PCDH15: variants seen among roughly 807,000 people sequenced by gnomAD.
PCDH15 encodes protocadherin-15.
Under a neutral mutation model 178.5 loss-of-function variants are expected in PCDH15, and 129 were observed. The ratio of observed to expected loss-of-function variants is 0.72; its 90% CI spans 0.63 to 0.84. The LOEUF is 0.84. Among genes scored for constraint, PCDH15 ranks in the 40% least tolerant of loss-of-function variants. The pLI is 0.00. For synonymous variants in PCDH15, 800 were observed against 732.0 expected, an observed-to-expected ratio of 1.09 and a Z score of -1.50; for missense variants, 2,230 against 2,099.9, an observed-to-expected ratio of 1.06 and a Z score of -1.21.
chr10:54,655,278 GAGAGAGAGAGAGAGAGAGAGAGAGAC>G (rs1463735742), intron 2 of PCDH15, among the ~76,000 whole-genome samples: 7 of 140,702 alleles, frequency 5.0e-5, no homozygotes, highest in Non-Finnish European at 7.7e-5. Context: ...GAGAGAGAGA[GAGAGAGAGAGAGAGAGAGAGAGAGAC>G]AGAGAGAGAG....
chr10:55,257,425 G>A (rs530705829), intron 1 of PCDH15, among the ~76,000 whole-genome samples: 5 of 152,006 alleles, frequency 3.3e-5, no homozygotes, highest in East Asian at 1.9e-4. Flanking sequence ...AAACTACTCT[G>A]AGCTAAAGGA....
At chr10:55,191,861 T>C (rs1839951958) in intron 1 of PCDH15, among the ~76,000 whole-genome samples, 2 of 151,884 alleles carry the variant, frequency 1.3e-5, no homozygotes, top group African/African-American at 4.8e-5. Flanking sequence ...GGCACTTTTT[T>C]TCTTTCTTGT....
At chr10:54,263,909 C>A (rs1216602939) in intron 8 of PCDH15, among the ~76,000 whole-genome samples, 24 of 152,106 alleles carry the variant, frequency 1.6e-4, no homozygotes, top group Admixed American at 1.6e-3. Context: ...CAGCTGCCAG[C>A]ACAGCTAGGA....
chr10:55,489,443 A>C (rs1184435153), intron 2 of PCDH15, among the ~76,000 whole-genome samples: 2 of 151,696 alleles, frequency 1.3e-5, no homozygotes, highest in African/African-American at 4.8e-5. Context: ...TTTTCAGAGA[A>C]TATCTTCACT....
chr10:54,477,126 C>T (rs2078331247), intron 3 of PCDH15, among the ~76,000 whole-genome samples: 1 of 152,122 alleles, frequency 6.6e-6, no homozygotes, highest in Non-Finnish European at 1.5e-5. Context: ...AGGTGAGGCT[C>T]TTCATGGTTC....
At chr10:54,291,745 CAT>C (rs1402513337) in intron 8 of PCDH15, among the ~76,000 whole-genome samples, 1 of 152,154 alleles carries the variant, frequency 6.6e-6, no homozygotes, top group Non-Finnish European at 1.5e-5. Context: ...TTCCTGGACA[CAT>C]ATGCCCTCCC....
chr10:54,195,178 C>CA (rs2049479408), intron 11 of PCDH15, among the ~76,000 whole-genome samples: 1 of 152,114 alleles, frequency 6.6e-6, no homozygotes, highest in Non-Finnish European at 1.5e-5. Flanking sequence ...ACAAGAAAAA[C>CA]AAAAGACAAT....
At chr10:55,253,366 A>G (rs1032642553) in intron 1 of PCDH15, among the ~76,000 whole-genome samples, 1 of 152,044 alleles carries the variant, frequency 6.6e-6, no homozygotes, top group Non-Finnish European at 1.5e-5. Flanking sequence ...CAACTCCTAA[A>G]CCATCCTGTC....
chr10:55,220,275 T>C (rs1190011970), intron 1 of PCDH15, among the ~76,000 whole-genome samples: 1 of 152,008 alleles, frequency 6.6e-6, no homozygotes, highest in Non-Finnish European at 1.5e-5. Flanking sequence ...GTTTCCATAT[T>C]TTCTTCTTAT....
chr10:54,471,857 AAT>A (rs2077940915), intron 3 of PCDH15, among the ~76,000 whole-genome samples: 1 of 152,138 alleles, frequency 6.6e-6, no homozygotes, highest in Non-Finnish European at 1.5e-5. Flanking sequence ...ATACTTTTAA[AAT>A]TAGAGCTGTA....
chr10:55,064,408 G>A (rs1841510959), intron 2 of PCDH15, among the ~76,000 whole-genome samples: 1 of 152,072 alleles, frequency 6.6e-6, no homozygotes, highest in Non-Finnish European at 1.5e-5. Flanking sequence ...TAGTGACAAT[G>A]TAACATCATG....
intron 8 of PCDH15, among the ~76,000 whole-genome samples, chr10:54,287,222 C>A (rs1396055219): frequency 6.6e-6 from 1 of 152,074 alleles, no homozygotes; most frequent in Non-Finnish European, 1.5e-5. Context: ...GTGTATTAAG[C>A]AGAAAAATAG....
At chr10:55,440,838 G>A (rs7906092) in intron 2 of PCDH15, among the ~76,000 whole-genome samples, 116,300 of 151,970 alleles carry the variant, frequency 0.77, 45,853 homozygotes, top group East Asian at 0.99. Flanking sequence ...CAGCCATGGC[G>A]GAAGACAAAA....
At chr10:55,079,261 G>T (rs1357089442) in intron 2 of PCDH15, among the ~76,000 whole-genome samples, 2 of 152,036 alleles carry the variant, frequency 1.3e-5, no homozygotes, top group Admixed American at 6.6e-5. Flanking sequence ...TTTCTTTGGG[G>T]GATGTTTTTG....
At chr10:55,560,725 CA>C (rs533297099) in intron 2 of PCDH15, among the ~76,000 whole-genome samples, 13 of 151,862 alleles carry the variant, frequency 8.6e-5, no homozygotes, top group Non-Finnish European at 1.5e-4. Flanking sequence ...TTATTACTCA[CA>C]TTTCCACTTT....
At chr10:54,946,166 A>G (rs1428587609) in intron 2 of PCDH15, among the ~76,000 whole-genome samples, 1 of 151,874 alleles carries the variant, frequency 6.6e-6, no homozygotes, top group Non-Finnish European at 1.5e-5. Flanking sequence ...TTCATAGATA[A>G]TGAAAGATGA....
intron 15 of PCDH15, among the ~76,000 whole-genome samples, chr10:54,129,889 A>G (rs1333308798): frequency 2.6e-5 from 4 of 152,144 alleles, no homozygotes; most frequent in Non-Finnish European, 5.9e-5. Flanking sequence ...CTGTGTTACT[A>G]TTTTATGGGA....
chr10:54,985,085 C>A (rs1045603984), intron 2 of PCDH15, among the ~76,000 whole-genome samples: 1 of 152,092 alleles, frequency 6.6e-6, no homozygotes, highest in Non-Finnish European at 1.5e-5. Flanking sequence ...TTAGGCTAAA[C>A]CACGTGTAAA....
intron 2 of PCDH15, among the ~76,000 whole-genome samples, chr10:55,100,042 T>G (rs1842541044): frequency 6.6e-6 from 1 of 152,118 alleles, no homozygotes; most frequent in African/African-American, 2.4e-5. Flanking sequence ...TACAATTTCC[T>G]AAAAATTAAC....
Sources: allele counts gnomAD v4.1 joint callset (sites outside exome capture counted in the v4.1 genomes callset), GRCh38; gene constraint gnomAD v4.1.1; transcripts MANE v1.5; gene names NCBI Gene and HGNC (gene_info 2026-07-23, HGNC 2026-07-21).